GRID2: variants seen among roughly 807,000 people sequenced by gnomAD.
GRID2 encodes glutamate ionotropic receptor delta type subunit 2, also known as glutamate receptor ionotropic, delta-2.
A neutral mutation model predicts 114.8 loss-of-function variants in GRID2; 33 were observed. The observed-to-expected ratio is 0.29, with a 90% CI of 0.22 to 0.38. The LOEUF (loss-of-function observed/expected upper bound fraction) is 0.38, where lower values mean the gene tolerates loss of function less well. GRID2 is among the 10% of genes least tolerant of loss of function. The pLI is 1.00. For synonymous variants in GRID2, 505 were observed against 449.9 expected, an observed-to-expected ratio of 1.12 and a Z score of -1.55; for missense variants, 1,184 against 1,257.7, an observed-to-expected ratio of 0.94 and a Z score of 0.89.
chr4:93,408,371 CTTTTTT>C (rs5860330), intron 9 of GRID2, among the ~76,000 whole-genome samples: 1 of 148,556 alleles, frequency 6.7e-6, no homozygotes, highest in Non-Finnish European at 1.5e-5. Flanking sequence ...TGCTCATTTT[CTTTTTT>C]TTTTTAATCA....
At position 92,749,548 on chromosome 4, in the gene GRID2, C is replaced by T. The variant is rs1454738551; in HGVS notation, c.244+159262C>T. The stretch of plus-strand genomic sequence containing the variant: ...CAAGATGGTCTCCATCTCTTGACCT[C>T]GTGATCCGCCCGCCTCGGCCTCCCA... On this transcript the variant is annotated intron_variant, in intron 2 of 15. Coordinates refer to ENST00000282020, the MANE Select transcript of GRID2 (RefSeq NM_001510.4). 9.9e-5 allele frequency among the ~76,000 whole-genome samples: 15 copies of T among 152,174 alleles called. No individual in the cohort carries two copies. In the East Asian group the frequency reaches 2.1e-3, roughly 22 times the overall value.
chr4:92,811,647 T>G (rs1740666458), intron 2 of GRID2, among the ~76,000 whole-genome samples: 1 of 152,026 alleles, frequency 6.6e-6, no homozygotes, highest in Admixed American at 6.6e-5. Flanking sequence ...GTCAGGAAAA[T>G]TGACCTATAT....
chr4:92,933,875 A>T (rs1454955565), intron 2 of GRID2, among the ~76,000 whole-genome samples: 1 of 151,628 alleles, frequency 6.6e-6, no homozygotes, highest in Admixed American at 6.6e-5. Context: ...ATCTTCTTAG[A>T]TTCACTTTGT....
At chr4:92,442,494 G>A (rs1031927266) in intron 1 of GRID2, among the ~76,000 whole-genome samples, 3 of 152,096 alleles carry the variant, frequency 2.0e-5, no homozygotes, top group Non-Finnish European at 4.4e-5. Context: ...GGAAGTTCTT[G>A]TGTGCTGGAG....
At chr4:92,642,955 ATC>A (rs1376902812) in intron 2 of GRID2, among the ~76,000 whole-genome samples, 2 of 151,310 alleles carry the variant, frequency 1.3e-5, no homozygotes, top group Admixed American at 1.3e-4. Flanking sequence ...TGATCTATTG[ATC>A]TGTTTGTTTT....
intron 8 of GRID2, among the ~76,000 whole-genome samples, chr4:93,317,004 A>G (rs901584006): frequency 1.3e-5 from 2 of 152,168 alleles, no homozygotes; most frequent in African/African-American, 4.8e-5. Flanking sequence ...TAGGTATGAG[A>G]AGTCTAAAGC....
At chr4:92,379,946 C>T (rs1222806757) in intron 1 of GRID2, among the ~76,000 whole-genome samples, 2 of 151,846 alleles carry the variant, frequency 1.3e-5, no homozygotes, top group Admixed American at 6.6e-5. Context: ...AAATAATAAT[C>T]CTATACTTGT....
At chr4:93,791,849 G>T (rs1403032721) in intron 1 of GRID2, among the ~76,000 whole-genome samples, 1 of 152,180 alleles carries the variant, frequency 6.6e-6, no homozygotes, top group Non-Finnish European at 1.5e-5. Flanking sequence ...TGAGCAAACA[G>T]CATTGTGTGA....
intron 14 of GRID2, among the ~76,000 whole-genome samples, chr4:93,669,114 T>C (rs72672427): frequency 0.025 from 3,801 of 152,190 alleles, 64 homozygotes; most frequent in Non-Finnish European, 0.027. Context: ...TCAGGTTTTA[T>C]TGACACTACC....
chr4:93,100,505 T>A (rs1731602610), intron 3 of GRID2, among the ~76,000 whole-genome samples: 1 of 152,018 alleles, frequency 6.6e-6, no homozygotes, highest in African/African-American at 2.4e-5. Context: ...ATTTATAAAG[T>A]ATGTTTTGCT....
chr4:92,939,625 C>T lies in GRID2; in HGVS notation c.245-145370C>T, dbSNP rs891648184. On this transcript the variant is annotated intron_variant, in intron 2 of 15. Coordinates refer to ENST00000282020, the MANE Select transcript of GRID2 (RefSeq NM_001510.4). ...TTGCCATTGCTTTTGGTGTTTTAGACATGAAGTCCTTGCCCATGCCTATGT... is the reference window on the plus strand; with the variant it reads ...TTGCCATTGCTTTTGGTGTTTTAGATATGAAGTCCTTGCCCATGCCTATGT... Among the ~76,000 whole-genome samples, 38 of 147,356 alleles carry T rather than the reference C, an allele frequency of 2.6e-4. 7 individuals are homozygous for T. The highest frequency in any genetic ancestry group is 3.5e-3 in the Middle Eastern group (1 of 286).
At chr4:93,271,957 TTTC>T (rs1481285567) in intron 8 of GRID2, among the ~76,000 whole-genome samples, 1 of 152,218 alleles carries the variant, frequency 6.6e-6, no homozygotes, top group Non-Finnish European at 1.5e-5. Context: ...TAGAAATAAT[TTTC>T]TTCATTTTAT....
At chr4:93,503,217 C>A (rs1371699298) in intron 12 of GRID2, among the ~76,000 whole-genome samples, 1 of 151,988 alleles carries the variant, frequency 6.6e-6, no homozygotes, top group Non-Finnish European at 1.5e-5. Flanking sequence ...TGAAAATCAG[C>A]AAGACTGGAG....
Position 93,351,721 on chromosome 4 carries a change from A to T in GRID2, c.1246-43886A>T, listed in dbSNP as rs1014340978. Among the ~76,000 whole-genome samples the T allele has an allele frequency of 4.6e-5, 7 of 151,716 alleles. No individual in the cohort carries two copies. In the East Asian group the frequency reaches 1.3e-3, roughly 29 times the overall value. ...TTTATTTAGTTTTTATAATGTTATT[A>T]TGTGAATATTTTATAGATAAAGAAT... On this transcript the variant is annotated intron_variant, in intron 8 of 15. Transcript: ENST00000282020.
intron 2 of GRID2, among the ~76,000 whole-genome samples, chr4:92,645,464 G>A (rs1731562360): frequency 6.6e-6 from 1 of 151,652 alleles, no homozygotes; most frequent in African/African-American, 2.4e-5. Context: ...AGGAAGAACT[G>A]GTTTGTCTCT....
intron 2 of GRID2, among the ~76,000 whole-genome samples, chr4:93,026,846 T>C (rs984814226): frequency 1.3e-5 from 2 of 152,016 alleles, no homozygotes; most frequent in Non-Finnish European, 2.9e-5. Context: ...TTACACAGCA[T>C]ACATTTTAAC....
At chr4:93,002,247 T>C (rs527950676) in intron 2 of GRID2, among the ~76,000 whole-genome samples, 108 of 151,876 alleles carry the variant, frequency 7.1e-4, no homozygotes, top group African/African-American at 2.4e-3. Context: ...AATTTAACAT[T>C]TTATGGAAAA....
chr4:93,280,992 T>C (rs1466602898), intron 8 of GRID2, among the ~76,000 whole-genome samples: 2 of 151,796 alleles, frequency 1.3e-5, no homozygotes, highest in African/African-American at 2.4e-5. Flanking sequence ...TACATTCAGG[T>C]GAAGGCAGAC....
At chr4:93,740,764 T>C (rs1025719227) in intron 14 of GRID2, among the ~76,000 whole-genome samples, 3 of 152,096 alleles carry the variant, frequency 2.0e-5, no homozygotes, top group Non-Finnish European at 4.4e-5. Flanking sequence ...ATATTTCTAA[T>C]AGGATAGTAC....
Sources: allele counts gnomAD v4.1 joint callset (sites outside exome capture counted in the v4.1 genomes callset), GRCh38; gene constraint gnomAD v4.1.1; transcripts MANE v1.5; gene names NCBI Gene and HGNC (gene_info 2026-07-23, HGNC 2026-07-21).